The following CSMD1 variants were observed in gnomAD, a reference collection of about 807,000 sequenced individuals.
CSMD1 encodes the protein CUB and Sushi multiple domains 1, also known as CUB and sushi domain-containing protein 1.
CSMD1 carries 213 observed loss-of-function variants against 417.5 expected under a neutral mutation model. The ratio of observed to expected loss-of-function variants is 0.51; its 90% CI spans 0.46 to 0.57. CSMD1 has a LOEUF of 0.57. CSMD1 is among the 20% of genes least tolerant of loss of function. The pLI, the probability that CSMD1 is intolerant of heterozygous loss-of-function variation, is 0.00. For missense variants in CSMD1, 6,923 were observed against 4,529.7 expected (o/e 1.53, Z -15.17); for synonymous variants, 2,862 against 1,736.8 (o/e 1.65, Z -16.11).
chr8:4,566,515 T>A (rs1165697251), intron 2 of CSMD1, among the ~76,000 whole-genome samples: 1 of 151,094 alleles, frequency 6.6e-6, no homozygotes, highest in African/African-American at 2.4e-5. Context: ...TAGCCGGGCG[T>A]GGTGGCGGGC....
chr8:3,992,511 G>T (rs1182887702), intron 5 of CSMD1, among the ~76,000 whole-genome samples: 1 of 152,304 alleles, frequency 6.6e-6, no homozygotes, highest in South Asian at 2.1e-4. Flanking sequence ...GGGACTGGCT[G>T]TTGTGGCTCA....
rs535108739 is a variant in CSMD1 at position 4,178,851 on chromosome 8, T to G, written c.416-146752A>C. Among the ~76,000 whole-genome samples, 256 of 152,190 alleles carry G rather than the reference T, an allele frequency of 1.7e-3. 2 individuals are homozygous for G. Among genetic ancestry groups the G allele is most frequent in the African/African-American group, 5.9e-3 (247 of 41,536 alleles). Reference sequence around the variant, plus strand: ...AATTCCTTCAAAGAGAATAAAATACTTAGAAATCCAACTTACAAGGGATGA... The same window carrying G: ...AATTCCTTCAAAGAGAATAAAATACGTAGAAATCCAACTTACAAGGGATGA... On this transcript the variant is annotated intron_variant, in intron 3 of 69. Transcript: ENST00000635120.
chr8:4,595,072 GC>G (rs1172401551), intron 2 of CSMD1, among the ~76,000 whole-genome samples: 3 of 152,094 alleles, frequency 2.0e-5, no homozygotes, highest in Non-Finnish European at 4.4e-5. Context: ...ACATAGGTGT[GC>G]CTTTTTTTAT....
At chr8:3,565,526 C>G (rs747168439) in intron 10 of CSMD1, among the ~76,000 whole-genome samples, 1 of 152,184 alleles carries the variant, frequency 6.6e-6, no homozygotes, top group Non-Finnish European at 1.5e-5. Context: ...CCAATATATA[C>G]AACATAGGTT....
chr8:3,313,771 T>TG (rs1271553012), intron 23 of CSMD1, among the ~76,000 whole-genome samples: 2 of 152,166 alleles, frequency 1.3e-5, no homozygotes, highest in African/African-American at 4.8e-5. Context: ...CATTACTGGG[T>TG]ATATACTCAA....
chr8:3,647,878 C>G (rs776221411), intron 7 of CSMD1, among the ~76,000 whole-genome samples: 1 of 152,320 alleles, frequency 6.6e-6, no homozygotes, highest in East Asian at 1.9e-4. Context: ...TGTAACTGTT[C>G]TGTGTAAGTT....
chr8:4,899,510 C>G (rs1387616191), intron 1 of CSMD1, among the ~76,000 whole-genome samples: 2 of 152,124 alleles, frequency 1.3e-5, no homozygotes, highest in African/African-American at 4.8e-5. Flanking sequence ...ATCTCATTGT[C>G]TCACAAAATA....
intron 52 of CSMD1, among the ~76,000 whole-genome samples, chr8:3,013,474 G>C (rs967095930): frequency 1.3e-5 from 2 of 152,194 alleles, no homozygotes; most frequent in Non-Finnish European, 2.9e-5. Context: ...TTTCCAGCCT[G>C]GTGTGGTGCC....
chr8:4,569,096 A>T (rs1166274392), intron 2 of CSMD1, among the ~76,000 whole-genome samples: 12 of 152,020 alleles, frequency 7.9e-5, no homozygotes, highest in Admixed American at 7.9e-4. Context: ...GTTCACTGTG[A>T]TGATAGTTTT....
chr8:3,747,976 TG>T (rs914755782), intron 6 of CSMD1, among the ~76,000 whole-genome samples: 1 of 152,134 alleles, frequency 6.6e-6, no homozygotes, highest in Non-Finnish European at 1.5e-5. Flanking sequence ...AAGTCCACCA[TG>T]GTTCTCCAAG....
chr8:4,217,434 A>G (rs2128806037), intron 3 of CSMD1, among the ~76,000 whole-genome samples: 1 of 152,244 alleles, frequency 6.6e-6, no homozygotes, highest in South Asian at 2.1e-4. Context: ...ATGGTGATAT[A>G]AGACACGTTA....
chr8:4,103,071 C>G (rs1451274722), intron 3 of CSMD1, among the ~76,000 whole-genome samples: 1 of 152,256 alleles, frequency 6.6e-6, no homozygotes, highest in Non-Finnish European at 1.5e-5. Flanking sequence ...TGGTTGTGCC[C>G]TTGGTTTTGA....
At chr8:4,188,920 G>C (rs773284601) in intron 3 of CSMD1, among the ~76,000 whole-genome samples, 3 of 152,084 alleles carry the variant, frequency 2.0e-5, no homozygotes, top group Non-Finnish European at 2.9e-5. Flanking sequence ...ATAGCTGCTG[G>C]GTTTCTCCCT....
intron 3 of CSMD1, among the ~76,000 whole-genome samples, chr8:4,347,694 A>C (rs1370117287): frequency 6.6e-6 from 1 of 152,150 alleles, no homozygotes; most frequent in Non-Finnish European, 1.5e-5. Flanking sequence ...TATTACTACA[A>C]ACATCCCTTC....
rs189374940 is a variant in CSMD1, at chr8:4,345,922, G to C, written c.415+74031C>G. 2.8e-3 allele frequency among the ~76,000 whole-genome samples: 421 copies of C among 152,156 alleles called. 2 individuals carry two copies. Among genetic ancestry groups the C allele is most frequent in the African/African-American group, 9.8e-3 (408 of 41,528 alleles). ...TATTCAGTCAAGACGTAACAAGGGA[G>C]GGGCTTTTCTTCCTCAGTGTTTTCA... On this transcript the variant is annotated intron_variant, in intron 3 of 69. Coordinates refer to ENST00000635120, the MANE Select transcript of CSMD1 (RefSeq NM_033225.6).
intron 3 of CSMD1, among the ~76,000 whole-genome samples, chr8:4,317,208 T>C (rs1798984839): frequency 6.6e-6 from 1 of 152,160 alleles, no homozygotes; most frequent in African/African-American, 2.4e-5. Context: ...TTATATTTTA[T>C]TTACATAACA....
At chr8:3,450,364 G>A (rs1027164650) in intron 12 of CSMD1, among the ~76,000 whole-genome samples, 1 of 151,842 alleles carries the variant, frequency 6.6e-6, no homozygotes, top group Admixed American at 6.6e-5. Flanking sequence ...ACAACGTGCA[G>A]GTTTGTTACA....
At chr8:4,460,866 T>G (rs938627105) in intron 2 of CSMD1, among the ~76,000 whole-genome samples, 11 of 152,168 alleles carry the variant, frequency 7.2e-5, no homozygotes, top group Non-Finnish European at 1.5e-4. Context: ...TTATTGTCAG[T>G]CTTTAATAAA....
intron 48 of CSMD1, among the ~76,000 whole-genome samples, chr8:3,087,960 C>G (rs559443311): frequency 6.6e-6 from 1 of 152,240 alleles, no homozygotes; most frequent in East Asian, 1.9e-4. Context: ...TAATCAAGGC[C>G]ATTAATTTCT....
Sources: gnomAD v4.1 joint callset for allele counts (sites outside exome capture counted in the v4.1 genomes callset) on GRCh38, gnomAD v4.1.1 for gene constraint, MANE v1.5 for transcripts, NCBI Gene and HGNC (gene_info 2026-07-23, HGNC 2026-07-21) for gene names.